The following ARHGEF3 variants were observed in gnomAD, a reference collection of about 807,000 sequenced individuals.
ARHGEF3 encodes the protein Rho guanine nucleotide exchange factor 3.
In ARHGEF3, 28 loss-of-function variants were observed where a neutral mutation model predicts 63.2. The observed-to-expected ratio is 0.44, with a 90% CI of 0.33 to 0.61. ARHGEF3 has a LOEUF of 0.61. Ranked by LOEUF, ARHGEF3 falls within the 20% of genes least tolerant of loss-of-function variation. The probability of loss-of-function intolerance (pLI) is 0.03; values close to 1 mark genes in which losing one functional copy is unlikely to be tolerated. For synonymous variants in ARHGEF3, 266 were observed against 254.2 expected (o/e 1.05, Z -0.44); for missense variants, 533 against 659.3 (o/e 0.81, Z 2.10).
rs182150478 is a variant in ARHGEF3, at chr3:56,975,311, G to A, written c.63-16422C>T. ...TGCTCACCTGTAGTCCCAGCTACTC[G>A]GGAGGCTGAGGCAGGGGAATCGCTT... is the stretch of plus-strand genomic sequence containing the variant. On this transcript the variant is annotated intron_variant, in intron 2 of 12. Transcript: ENST00000338458. Among the ~76,000 whole-genome samples, 28 of 152,174 alleles carry A rather than the reference G, an allele frequency of 1.8e-4. 1 individual carries two copies. Among genetic ancestry groups the A allele is most frequent in the Admixed American group, 9.8e-4 (15 of 15,290 alleles).
At chr3:56,736,833 C>G (rs2107700782) in intron 8 of ARHGEF3, among the ~76,000 whole-genome samples, 1 of 152,220 alleles carries the variant, frequency 6.6e-6, no homozygotes, top group South Asian at 2.1e-4. Flanking sequence ...TGGCTCAAGC[C>G]TGTAATTCCA....
chr3:56,736,533 C>A (rs2033637132), intron 8 of ARHGEF3, among the ~76,000 whole-genome samples: 1 of 152,188 alleles, frequency 6.6e-6, no homozygotes, highest in Non-Finnish European at 1.5e-5. Context: ...AACTGAAGAG[C>A]TGTTTCTCTG....
At chr3:56,986,772 G>C (rs990953547) in intron 2 of ARHGEF3, among the ~76,000 whole-genome samples, 7 of 151,146 alleles carry the variant, frequency 4.6e-5, no homozygotes, top group Middle Eastern at 3.2e-3. Context: ...TAGGAAAGAA[G>C]TGGGGGCAGA....
At chr3:57,020,975 A>G (rs78548697) in intron 2 of ARHGEF3, among the ~76,000 whole-genome samples, 198 of 152,378 alleles carry the variant, frequency 1.3e-3, no homozygotes, top group African/African-American at 4.6e-3. Context: ...AGTTGGTCTA[A>G]TGGATGAATG....
intron 1 of ARHGEF3, among the ~76,000 whole-genome samples, chr3:57,042,688 A>ATTTTTTTTTT (rs1560156283): frequency 1.1e-4 from 1 of 8,860 alleles, no homozygotes. Context: ...ATATATATAT[A>ATTTTTTTTTT]TATATATATA....
intron 4 of ARHGEF3, 101 bp downstream of exon 4, chr3:56,753,403 A>T: frequency 2.1e-6 from 2 of 975,572 alleles, no homozygotes; most frequent in Non-Finnish European, 3.2e-6. Context: ...GACCAGTCTT[A>T]GTCATAAAGA....
At chr3:56,834,902 G>A (rs2039057883) in intron 4 of ARHGEF3, among the ~76,000 whole-genome samples, 1 of 152,054 alleles carries the variant, frequency 6.6e-6, no homozygotes, top group South Asian at 2.1e-4. Context: ...ATTTGGCAGG[G>A]CTATACTCCA....
chr3:57,007,412 T>G, intron 2 of ARHGEF3: 1 of 1,247,890 alleles, frequency 8.0e-7, no homozygotes, highest in South Asian at 1.3e-5. Flanking sequence ...TTGATTTTGT[T>G]TATTCCAAAA....
chr3:57,019,461 C>T (rs917071786), intron 2 of ARHGEF3, among the ~76,000 whole-genome samples: 31 of 151,658 alleles, frequency 2.0e-4, no homozygotes, highest in African/African-American at 1.7e-4. Context: ...AAAGGGGGCT[C>T]GAAAGGAGCT....
At chr3:56,926,361 G>A (rs2042275228) in intron 3 of ARHGEF3, among the ~76,000 whole-genome samples, 1 of 152,212 alleles carries the variant, frequency 6.6e-6, no homozygotes, top group African/African-American at 2.4e-5. Flanking sequence ...GCAGGAAATG[G>A]GGAACCAGGG....
rs1479134074 is a variant in ARHGEF3, at chr3:57,075,433, TA to T, written c.-28+3792del. ...TTTTGAATAAATGAAATAAATGAGC[TA>T]AGTGGCTAAGACATGTGTAAATACA... On this transcript the variant is annotated intron_variant, in intron 1 of 12. Transcript: ENST00000338458. 3 of 166,712 alleles carry T rather than the reference TA, an allele frequency of 1.8e-5. No individual in the cohort carries two copies. The East Asian group carries it at 5.8e-4, about 32-fold the overall frequency. 10.3% of individuals were successfully genotyped at this position (166,712 alleles called of 1,614,324 possible).
At chr3:57,045,730 C>T (rs759409354) in intron 1 of ARHGEF3, among the ~76,000 whole-genome samples, 27 of 152,182 alleles carry the variant, frequency 1.8e-4, no homozygotes, top group Admixed American at 6.5e-4. Flanking sequence ...AAACCAAGAA[C>T]GTTCTCCCCC....
At chr3:56,848,696 T>G (rs2039571194) in intron 4 of ARHGEF3, among the ~76,000 whole-genome samples, 1 of 152,198 alleles carries the variant, frequency 6.6e-6, no homozygotes. Context: ...GATGGAGTCT[T>G]GCTCTTGTTG....
intron 3 of ARHGEF3, among the ~76,000 whole-genome samples, chr3:56,937,711 G>T (rs186757983): frequency 1.3e-4 from 20 of 152,214 alleles, no homozygotes; most frequent in Admixed American, 1.2e-3. Context: ...TTGTTTTTAG[G>T]GGGTAGGCTG....
chr3:57,068,474 T>C (rs1464135555), intron 1 of ARHGEF3, among the ~76,000 whole-genome samples: 1 of 152,226 alleles, frequency 6.6e-6, no homozygotes, highest in Non-Finnish European at 1.5e-5. Context: ...TCAAAAGGAC[T>C]CAGGCAATCA....
At chr3:56,778,475 G>T (rs1228141388) in intron 1 of ARHGEF3, among the ~76,000 whole-genome samples, 1 of 152,148 alleles carries the variant, frequency 6.6e-6, no homozygotes, top group Non-Finnish European at 1.5e-5. Flanking sequence ...AATAAGTGTG[G>T]CTATATCATA....
intron 7 of ARHGEF3, among the ~76,000 whole-genome samples, chr3:56,740,396 TAAAAC>T (rs560786263): frequency 2.0e-5 from 3 of 152,204 alleles, no homozygotes; most frequent in Non-Finnish European, 4.4e-5. Context: ...TTTATTAACA[TAAAAC>T]AATAAATAGC....
At chr3:57,057,191 A>G (rs937666524) in intron 1 of ARHGEF3, among the ~76,000 whole-genome samples, 4 of 152,094 alleles carry the variant, frequency 2.6e-5, no homozygotes, top group Admixed American at 6.6e-5. Flanking sequence ...GGCTCACTGC[A>G]ACCTCTGCCT....
chr3:57,069,376 AACACACACACACACAC>A (rs147675971), intron 1 of ARHGEF3, among the ~76,000 whole-genome samples: 1 of 146,362 alleles, frequency 6.8e-6, no homozygotes, highest in Non-Finnish European at 1.5e-5. Flanking sequence ...CTGTCTCTCA[AACACACACACACACAC>A]ACACACACAC....
Sources: allele counts gnomAD v4.1 joint callset (sites outside exome capture counted in the v4.1 genomes callset), GRCh38; gene constraint gnomAD v4.1.1; transcripts MANE v1.5; gene names NCBI Gene and HGNC (gene_info 2026-07-23, HGNC 2026-07-21).